MARCHF4: variants seen among roughly 807,000 people sequenced by gnomAD.
MARCHF4 encodes the protein membrane associated ring-CH-type finger 4, also known as E3 ubiquitin-protein ligase MARCHF4.
In MARCHF4, 14 loss-of-function variants were observed where a neutral mutation model predicts 43.9. That is an observed-to-expected ratio of 0.32 (90% CI 0.21 to 0.50). The LOEUF (loss-of-function observed/expected upper bound fraction) is 0.50. Ranked by LOEUF, MARCHF4 falls within the 20% of genes least tolerant of loss-of-function variation. The probability of loss-of-function intolerance (pLI) is 0.98; values close to 1 mark genes in which losing one functional copy is unlikely to be tolerated. For synonymous variants in MARCHF4, 226 were observed against 213.3 expected (o/e 1.06, Z -0.52); for missense variants, 468 against 536.7 (o/e 0.87, Z 1.27).
chr2:216,352,347 A>C (rs1692415716), intron 1 of MARCHF4, among the ~76,000 whole-genome samples: 1 of 152,212 alleles, frequency 6.6e-6, no homozygotes, highest in Admixed American at 6.5e-5. Context: ...TCCCAAGTCA[A>C]GGGAAACTCA....
At chr2:216,260,071 A>G (rs950548058) in intron 3 of MARCHF4, among the ~76,000 whole-genome samples, 5 of 152,244 alleles carry the variant, frequency 3.3e-5, no homozygotes, top group African/African-American at 1.2e-4. Context: ...ACCACAAAAG[A>G]AAACCCATGG....
intron 1 of MARCHF4, among the ~76,000 whole-genome samples, chr2:216,309,892 T>A (rs971212248): frequency 3.3e-5 from 5 of 152,108 alleles, no homozygotes; most frequent in Admixed American, 2.0e-4. Context: ...CCAAAAGAGC[T>A]CTAACTGATA....
At chr2:216,350,780 C>T (rs1373587030) in intron 1 of MARCHF4, among the ~76,000 whole-genome samples, 2 of 152,140 alleles carry the variant, frequency 1.3e-5, no homozygotes, top group African/African-American at 4.8e-5. Context: ...TTTTTTATGA[C>T]AATCATTTGC....
At position 216,320,733 on chromosome 2, in the gene MARCHF4, C is replaced by T. The variant is rs527574410; in HGVS notation, c.517-37004G>A. On this transcript the variant is annotated intron_variant, in intron 1 of 3. Coordinates refer to ENST00000273067, the MANE Select transcript of MARCHF4 (RefSeq NM_020814.3). The stretch of plus-strand genomic sequence containing the variant: ...TCACCCAGGCTGGAGTGCAATGGCG[C>T]GATCTCGGCTCACTGCAACCTCTGC... 2.0e-3 allele frequency among the ~76,000 whole-genome samples: 283 copies of T among 145,006 alleles called. 1 individual carries two copies. The highest frequency in any genetic ancestry group is 4.3e-3 in the Admixed American group (61 of 14,228).
At position 216,259,372 on chromosome 2, in the gene MARCHF4, A is replaced by G. The variant is rs1164224921; in HGVS notation, c.1173T>C (p.His391=). 7 of 1,600,706 alleles carry G rather than the reference A, an allele frequency of 4.4e-6. No homozygotes were observed. Among genetic ancestry groups the G allele is most frequent in the Admixed American group, 3.4e-5 (2 of 59,186 alleles). ...ILHILSHLRP[H]EQRSPPGSSR... ...TGCTGCCTGGGGGACTTCGCTGTTC[A>G]TGAGGTCTCAAGTGACTCAGGATGT... is the stretch of plus-strand genomic sequence containing the variant. Residue 391 remains histidine (H), a synonymous_variant, in exon 4 of 4, where the codon CAT becomes CAC. Coordinates refer to ENST00000273067, the MANE Select transcript of MARCHF4 (RefSeq NM_020814.3).
intron 1 of MARCHF4, among the ~76,000 whole-genome samples, chr2:216,324,507 A>C (rs1452519298): frequency 1.3e-5 from 2 of 152,100 alleles, no homozygotes; most frequent in Non-Finnish European, 2.9e-5. Flanking sequence ...GCAGAGACAC[A>C]ACCAAAAAAG....
At chr2:216,342,164 T>C (rs989788336) in intron 1 of MARCHF4, among the ~76,000 whole-genome samples, 7 of 152,216 alleles carry the variant, frequency 4.6e-5, no homozygotes, top group African/African-American at 1.7e-4. Context: ...AGAAAATGTA[T>C]CTTTGCCCAT....
At chr2:216,331,431 TA>T (rs1692079938) in intron 1 of MARCHF4, among the ~76,000 whole-genome samples, 1 of 152,084 alleles carries the variant, frequency 6.6e-6, no homozygotes, top group Non-Finnish European at 1.5e-5. Context: ...ATTTCAGAAA[TA>T]AATAATATCA....
intron 3 of MARCHF4, among the ~76,000 whole-genome samples, chr2:216,267,116 C>T (rs935309331): frequency 1.3e-5 from 2 of 152,172 alleles, no homozygotes; most frequent in African/African-American, 4.8e-5. Context: ...GTGGGGTTGG[C>T]CTTCTGTGAC....
intron 1 of MARCHF4, among the ~76,000 whole-genome samples, chr2:216,308,313 A>G: frequency 6.6e-6 from 1 of 152,178 alleles, no homozygotes; most frequent in Admixed American, 6.5e-5. Context: ...AGCTGTTCAG[A>G]GGATGGCTTG....
At chr2:216,292,678 A>G (rs1430942171) in intron 1 of MARCHF4, among the ~76,000 whole-genome samples, 1 of 152,166 alleles carries the variant, frequency 6.6e-6, no homozygotes, top group Non-Finnish European at 1.5e-5. Context: ...GGCACAACCA[A>G]ACTGTGTGTG....
chr2:216,320,660 TTTC>T (rs1559098632), intron 1 of MARCHF4, among the ~76,000 whole-genome samples: 2 of 121,600 alleles, frequency 1.6e-5, no homozygotes, highest in East Asian at 4.4e-4. Flanking sequence ...TCTTTCTTTC[TTTC>T]TTTCTTTCTT....
At chr2:216,354,910 T>TCTTTCTTCCTTC (rs879799424) in intron 1 of MARCHF4, among the ~76,000 whole-genome samples, 16 of 85,520 alleles carry the variant, frequency 1.9e-4, no homozygotes, top group East Asian at 3.6e-4. Flanking sequence ...TTTCTTTCTT[T>TCTTTCTTCCTTC]CTTTCTTTCT....
chr2:216,318,846 A>G (rs891486091), intron 1 of MARCHF4, among the ~76,000 whole-genome samples: 2 of 152,144 alleles, frequency 1.3e-5, no homozygotes, highest in Non-Finnish European at 2.9e-5. Flanking sequence ...CATCAAAGCT[A>G]CTTCTTTAGG....
At chr2:216,281,599 T>A (rs1006172895) in intron 2 of MARCHF4, among the ~76,000 whole-genome samples, 2 of 152,230 alleles carry the variant, frequency 1.3e-5, no homozygotes, top group African/African-American at 4.8e-5. Context: ...CACATGTTGC[T>A]GGGCCTGAGG....
intron 2 of MARCHF4, among the ~76,000 whole-genome samples, chr2:216,280,177 A>G (rs1016316077): frequency 4.6e-5 from 7 of 151,938 alleles, no homozygotes; most frequent in Non-Finnish European, 1.0e-4. Flanking sequence ...GAAAGCAGAG[A>G]GTGAGCGAGC....
chr2:216,287,451 G>T (rs1362500426), intron 1 of MARCHF4, among the ~76,000 whole-genome samples: 1 of 152,010 alleles, frequency 6.6e-6, no homozygotes, highest in East Asian at 1.9e-4. Context: ...TCAATGATCT[G>T]CTCAGAGTGC....
At chr2:216,313,690 A>G (rs1691726786) in intron 1 of MARCHF4, among the ~76,000 whole-genome samples, 1 of 152,330 alleles carries the variant, frequency 6.6e-6, no homozygotes, top group South Asian at 2.1e-4. Context: ...TGATCCCTAG[A>G]AAAGGAAAGG....
intron 1 of MARCHF4, among the ~76,000 whole-genome samples, chr2:216,366,807 C>T (rs1692672866): frequency 6.6e-6 from 1 of 152,106 alleles, no homozygotes; most frequent in Non-Finnish European, 1.5e-5. Flanking sequence ...TACTAGTTTA[C>T]TTGTCTATTT....
Sources: gnomAD v4.1 joint callset for allele counts (sites outside exome capture counted in the v4.1 genomes callset) on GRCh38, gnomAD v4.1.1 for gene constraint, MANE v1.5 for transcripts, NCBI Gene and HGNC (gene_info 2026-07-23, HGNC 2026-07-21) for gene names.